Variants in ASIC5 observed in about 807,000 individuals in gnomAD.
ASIC5 encodes the protein bile acid-sensitive ion channel.
In ASIC5, 52 loss-of-function variants were observed where a neutral mutation model predicts 51.2. The observed-to-expected ratio is 1.02, with a 90% CI of 0.81 to 1.28. The LOEUF (loss-of-function observed/expected upper bound fraction) is 1.28, where lower values mean the gene tolerates loss of function less well. Ranked by LOEUF, ASIC5 falls within the 50% of genes most tolerant of loss-of-function variation. The pLI, the probability that ASIC5 is intolerant of heterozygous loss-of-function variation, is 0.00. For missense variants in ASIC5, 635 were observed against 595.0 expected (o/e 1.07, Z -0.70); for synonymous variants, 231 against 200.7 (o/e 1.15, Z -1.28).
chr4:155,859,551 A>G (rs1269435121), intron 2 of ASIC5, among the ~76,000 whole-genome samples: 2 of 152,058 alleles, frequency 1.3e-5, no homozygotes, highest in African/African-American at 2.4e-5. Flanking sequence ...TAAACAAAAA[A>G]AGTATAGAAA....
chr4:155,853,754 G>A (rs79603286), intron 3 of ASIC5, among the ~76,000 whole-genome samples: 113 of 151,644 alleles, frequency 7.5e-4, no homozygotes, highest in African/African-American at 2.7e-3. Context: ...ATACTATGTT[G>A]GAATAGGTTG....
chr4:155,835,433 A>T (rs1369300988), intron 8 of ASIC5, among the ~76,000 whole-genome samples: 1 of 151,960 alleles, frequency 6.6e-6, no homozygotes, highest in African/African-American at 2.4e-5. Flanking sequence ...AAAAAGAAAA[A>T]AAAACAGCAT....
rs1741464592 is a variant in ASIC5 at position 155,854,230 on chromosome 4, A to G, written c.432T>C (p.Ile144=). Residue 144 remains isoleucine, a synonymous_variant, in exon 3 of 10, where the codon ATT becomes ATC. Transcript: ENST00000537611. ...CTCTAGAGCCAGTGGAATTGGCAGT[A>G]ATTTCTTGAAGATGGAGGACTTTGG... ...IVSKVLHLQE[I]TANSTGSREA... is the part of the protein sequence containing the mutation. The G allele has an allele frequency of 6.2e-7, 1 of 1,613,258 alleles. No homozygotes were observed. The highest frequency in any genetic ancestry group is 1.3e-5 in the African/African-American group (1 of 74,850).
At chr4:155,859,631 T>C (rs1040626950) in intron 2 of ASIC5, among the ~76,000 whole-genome samples, 1 of 152,072 alleles carries the variant, frequency 6.6e-6, no homozygotes, top group Non-Finnish European at 1.5e-5. Context: ...GTGTTAAGCT[T>C]TACTTTTTTT....
At chr4:155,836,413 AC>A (rs1301140559) in intron 8 of ASIC5, among the ~76,000 whole-genome samples, 2 of 152,326 alleles carry the variant, frequency 1.3e-5, no homozygotes, top group South Asian at 4.1e-4. Flanking sequence ...TTATCAGTCA[AC>A]ATTATTATTT....
chr4:155,836,729 A>T lies in ASIC5; in HGVS notation c.1195T>A (p.Tyr399Asn). ...CTTTGATTCAACTTCTTGGAAAGAT[A>T]TTTCAAAGCTTTTTGACTTGGAAAA... ...SSFPSQKALK[Y>N]LSKKLNQSRK... The change falls in exon 8 of 10, where the codon TAT (tyrosine) becomes AAT (asparagine). Residue 399 changes from tyrosine (Y) to asparagine (N), a missense_variant. Tyr to Asn is a moderately radical substitution (Grantham distance 143). Transcript: ENST00000537611. 1 of 1,610,998 alleles carries T rather than the reference A, an allele frequency of 6.2e-7. No homozygotes were observed. The highest frequency in any genetic ancestry group is 8.5e-7 in the Non-Finnish European group (1 of 1,177,656).
intron 4 of ASIC5, among the ~76,000 whole-genome samples, chr4:155,844,050 G>T (rs1662047984): frequency 6.6e-6 from 1 of 152,032 alleles, no homozygotes; most frequent in South Asian, 2.1e-4. Context: ...TCAAGGTGGG[G>T]TCTACTCAGG....
Position 155,831,929 on chromosome 4 carries a change from A to G in ASIC5, c.1236-14T>C. 7.3e-7 allele frequency: 1 copy of G among 1,361,496 alleles called. No homozygotes were observed. The highest frequency in any genetic ancestry group is 1.0e-6 in the Non-Finnish European group (1 of 957,544). The allele number at this position is 1,361,496 out of a possible 1,614,324, so 84.3% of individuals were successfully genotyped here. ...ACAAGATTCTCCCTAGGGATAAAAA[A>G]GAGAGTTAATATAGCTTAAGATTGT... is the stretch of plus-strand genomic sequence containing the variant. On this transcript the variant is annotated splice_polypyrimidine_tract_variant and intron_variant, in intron 8 of 9. Coordinates refer to ENST00000537611, the MANE Select transcript of ASIC5 (RefSeq NM_017419.3).
chr4:155,844,981 T>G (rs927009337), intron 4 of ASIC5, among the ~76,000 whole-genome samples: 1 of 152,012 alleles, frequency 6.6e-6, no homozygotes. Flanking sequence ...AAGCTAAGTC[T>G]GCTAGCAGCA....
chr4:155,834,507 C>A (rs993931248), intron 8 of ASIC5, among the ~76,000 whole-genome samples: 1 of 152,284 alleles, frequency 6.6e-6, no homozygotes, highest in South Asian at 2.1e-4. Flanking sequence ...CTTTGTTCAG[C>A]TGCTCACCTT....
intron 4 of ASIC5, among the ~76,000 whole-genome samples, chr4:155,845,234 T>C (rs1259133764): frequency 1.3e-5 from 2 of 152,066 alleles, no homozygotes; most frequent in East Asian, 3.9e-4. Context: ...CTAAAAAGAA[T>C]TTTTTTAAAG....
intron 2 of ASIC5, among the ~76,000 whole-genome samples, chr4:155,861,088 A>G (rs960316459): frequency 6.6e-6 from 1 of 151,868 alleles, no homozygotes; most frequent in African/African-American, 2.4e-5. Flanking sequence ...ATTGACCTCT[A>G]ATTTTATTCT....
At chr4:155,837,008 T>C (rs1740998051) in intron 7 of ASIC5, 151 bp from the exon 8 acceptor site, 2 of 551,212 alleles carry the variant, frequency 3.6e-6, no homozygotes, top group Non-Finnish European at 6.2e-6. Context: ...AATATGTTAC[T>C]CTGAATATAG....
intron 7 of ASIC5, among the ~76,000 whole-genome samples, chr4:155,838,468 A>C (rs1741042739): frequency 6.6e-6 from 1 of 152,164 alleles, no homozygotes; most frequent in African/African-American, 2.4e-5. Context: ...CTCAGTAATA[A>C]AACTTCTATT....
chr4:155,848,865 G>A (rs1389172660), intron 4 of ASIC5, among the ~76,000 whole-genome samples: 1 of 152,028 alleles, frequency 6.6e-6, no homozygotes, highest in Non-Finnish European at 1.5e-5. Flanking sequence ...AATGTTTGCT[G>A]ATCCTTTGTT....
chr4:155,843,941 T>TAACATAAAATA, intron 4 of ASIC5, 111 bp from the exon 5 acceptor site: 1 of 941,202 alleles, frequency 1.1e-6, no homozygotes, highest in Non-Finnish European at 1.6e-6. Context: ...ATCCTAAATA[T>TAACATAAAATA]TTTATGTTAT....
At chr4:155,840,262 T>TCAGAGC (rs1164061611) in intron 6 of ASIC5, among the ~76,000 whole-genome samples, 1 of 151,814 alleles carries the variant, frequency 6.6e-6, no homozygotes, top group Non-Finnish European at 1.5e-5. Flanking sequence ...GAATGAGAAA[T>TCAGAGC]CAGAGCCAGA....
chr4:155,845,996 A>G (rs914149890), intron 4 of ASIC5, among the ~76,000 whole-genome samples: 8 of 152,078 alleles, frequency 5.3e-5, no homozygotes, highest in Non-Finnish European at 8.8e-5. Flanking sequence ...TAATATGTCT[A>G]TGTATTTATA....
At position 155,838,750 on chromosome 4, in the gene ASIC5, T is replaced by C. The variant is rs528920983; in HGVS notation, c.1066+63A>G. On this transcript the variant is annotated intron_variant, in intron 7 of 9. Coordinates refer to ENST00000537611, the MANE Select transcript of ASIC5 (RefSeq NM_017419.3). The stretch of plus-strand genomic sequence containing the variant: ...GGGCTATCCATAGTTTGACTTAATG[T>C]CTTATATTACTTTGAGCAACTTTAA... 16 of 969,040 alleles carry C rather than the reference T, an allele frequency of 1.7e-5. No individual in the cohort carries two copies. In the South Asian group the frequency reaches 2.1e-4, roughly 13 times the overall value. 60.0% of individuals were successfully genotyped at this position (969,040 alleles called of 1,614,324 possible). A position where few individuals can be genotyped will look rare whatever the true frequency, so the allele number is the denominator to read the frequency against.
Sources: gnomAD v4.1 joint callset for allele counts (sites outside exome capture counted in the v4.1 genomes callset) on GRCh38, gnomAD v4.1.1 for gene constraint, MANE v1.5 for transcripts, NCBI Gene and HGNC (gene_info 2026-07-23, HGNC 2026-07-21) for gene names.